The following LY96 variants were observed in gnomAD, a reference collection of about 807,000 sequenced individuals.
The protein encoded by LY96 is lymphocyte antigen 96.
In LY96, 18 loss-of-function variants were observed where a neutral mutation model predicts 18.9. The ratio of observed to expected loss-of-function variants is 0.95; its 90% CI spans 0.66 to 1.41. The LOEUF is 1.41. LY96 is among the 40% of genes most tolerant of loss of function. The pLI is 0.00. For synonymous variants in LY96, 66 were observed against 62.6 expected (o/e 1.06, Z -0.26); for missense variants, 175 against 182.4 (o/e 0.96, Z 0.23).
intron 3 of LY96, among the ~76,000 whole-genome samples, chr8:74,015,987 C>A (rs997843835): frequency 6.6e-6 from 1 of 152,182 alleles, no homozygotes; most frequent in Non-Finnish European, 1.5e-5. Context: ...ACTGAGGTAC[C>A]TGGTTCATCT....
chr8:74,013,688 A>G (rs554997242), intron 3 of LY96, among the ~76,000 whole-genome samples: 71 of 152,318 alleles, frequency 4.7e-4, no homozygotes, highest in African/African-American at 1.6e-3. Context: ...ATCTGAGAAC[A>G]TCAGAGGGTG....
At chr8:74,085,610 C>T in the LY96 span, among the ~76,000 whole-genome samples, 2 of 152,208 alleles carry the variant, frequency 1.3e-5, no homozygotes, top group African/African-American at 4.8e-5. Flanking sequence ...CTGCCTTCCT[C>T]TTGTTCACTT....
the LY96 span, among the ~76,000 whole-genome samples, chr8:74,075,302 G>A: frequency 6.6e-6 from 1 of 152,142 alleles, no homozygotes; most frequent in Non-Finnish European, 1.5e-5. Flanking sequence ...ACAGAGTCTT[G>A]CTCTAATGAC....
intron 1 of LY96, among the ~76,000 whole-genome samples, chr8:73,998,400 G>A (rs1563708981): frequency 6.6e-6 from 1 of 151,900 alleles, no homozygotes; most frequent in Admixed American, 6.6e-5. Context: ...CTGGTGCCAG[G>A]CATGGTGTCT....
At chr8:74,085,418 G>A in the LY96 span, among the ~76,000 whole-genome samples, 14 of 152,162 alleles carry the variant, frequency 9.2e-5, no homozygotes, top group African/African-American at 1.4e-4. Flanking sequence ...GGCTTCCCAA[G>A]GTTGAAATCT....
At chr8:74,026,320 G>A (rs961290339) in intron 3 of LY96, among the ~76,000 whole-genome samples, 3 of 152,184 alleles carry the variant, frequency 2.0e-5, no homozygotes, top group Non-Finnish European at 4.4e-5. Context: ...CCGTGGCTAT[G>A]CACTTAAACA....
chr8:74,084,988 A>G, the LY96 span, among the ~76,000 whole-genome samples: 4 of 152,236 alleles, frequency 2.6e-5, no homozygotes, highest in Non-Finnish European at 5.9e-5. Context: ...TAAAGTACAA[A>G]TGACAAATAA....
At chr8:74,067,427 G>T in the LY96 span, among the ~76,000 whole-genome samples, 1 of 152,062 alleles carries the variant, frequency 6.6e-6, no homozygotes, top group Admixed American at 6.6e-5. Context: ...GTCTCGCTAC[G>T]TTGCCCACAC....
chr8:74,040,849 C>T, the LY96 span, among the ~76,000 whole-genome samples: 8 of 151,976 alleles, frequency 5.3e-5, no homozygotes, highest in African/African-American at 1.5e-4. Flanking sequence ...ACTACAGGCA[C>T]GTGCCACCAC....
chr8:74,025,832 A>T (rs1367152560), intron 3 of LY96, among the ~76,000 whole-genome samples: 1 of 151,926 alleles, frequency 6.6e-6, no homozygotes, highest in African/African-American at 2.4e-5. Context: ...GCATGATGAA[A>T]CCCTGTCTTT....
the LY96 span, among the ~76,000 whole-genome samples, chr8:74,063,675 C>T: frequency 3.3e-5 from 5 of 151,910 alleles, no homozygotes; most frequent in African/African-American, 9.7e-5. Flanking sequence ...ATCTATGATG[C>T]ACTTTATAAA....
chr8:74,086,893 C>A, the LY96 span, among the ~76,000 whole-genome samples: 1 of 152,216 alleles, frequency 6.6e-6, no homozygotes, highest in African/African-American at 2.4e-5. Flanking sequence ...CTGCAGGCAC[C>A]TTGAACTTGG....
the LY96 span, among the ~76,000 whole-genome samples, chr8:74,088,088 T>TAGAAA: frequency 1.2e-5 from 1 of 85,594 alleles, no homozygotes; most frequent in Admixed American, 1.3e-4. Context: ...GAGAGAAGAA[T>TAGAAA]AGAATAGAAT....
At chr8:74,080,817 G>GGGAA in the LY96 span, among the ~76,000 whole-genome samples, 1 of 152,100 alleles carries the variant, frequency 6.6e-6, no homozygotes, top group African/African-American at 2.4e-5. Context: ...GTTGACTCCT[G>GGGAA]GGAATAAAAG....
intron 2 of LY96, among the ~76,000 whole-genome samples, chr8:74,007,894 G>A (rs1816447120): frequency 6.6e-6 from 1 of 152,116 alleles, no homozygotes; most frequent in Admixed American, 6.5e-5. Flanking sequence ...CTGGTAGCTG[G>A]GATTACAGGC....
At chr8:74,041,055 G>C in the LY96 span, among the ~76,000 whole-genome samples, 1 of 152,102 alleles carries the variant, frequency 6.6e-6, no homozygotes, top group African/African-American at 2.4e-5. Context: ...CAAACGGAGG[G>C]ATCAGCTGGA....
chr8:74,082,259 T>G, the LY96 span, among the ~76,000 whole-genome samples: 1 of 152,190 alleles, frequency 6.6e-6, no homozygotes, highest in Non-Finnish European at 1.5e-5. Flanking sequence ...TGACTCTTTC[T>G]TTATCTTCTT....
At chr8:74,044,676 ATTACC>A in the LY96 span, among the ~76,000 whole-genome samples, 1 of 152,192 alleles carries the variant, frequency 6.6e-6, no homozygotes, top group Non-Finnish European at 1.5e-5. Flanking sequence ...ACAGACTCAC[ATTACC>A]TTTTCATTCT....
At chr8:74,022,872 C>A (rs377090204) in intron 3 of LY96, among the ~76,000 whole-genome samples, 3 of 152,246 alleles carry the variant, frequency 2.0e-5, no homozygotes, top group African/African-American at 7.2e-5. Flanking sequence ...AGCCACTGTT[C>A]CTGGTCTAGT....
Sources: gnomAD v4.1 joint callset for allele counts (sites outside exome capture counted in the v4.1 genomes callset) on GRCh38, gnomAD v4.1.1 for gene constraint, MANE v1.5 for transcripts, NCBI Gene and HGNC (gene_info 2026-07-23, HGNC 2026-07-21) for gene names.